TMEM253: variants seen among roughly 807,000 people sequenced by gnomAD.
TMEM253 encodes transmembrane protein C14orf176.
A neutral mutation model predicts 20.3 loss-of-function variants in TMEM253; 22 were observed. The observed-to-expected ratio is 1.08, with a 90% CI of 0.78 to 1.55. TMEM253 has a LOEUF of 1.55. TMEM253 is among the 40% of genes most tolerant of loss of function. TMEM253 has a pLI of 0.00. For synonymous variants in TMEM253, 92 were observed against 102.6 expected (o/e 0.90, Z 0.62); for missense variants, 251 against 266.1 (o/e 0.94, Z 0.39).
intron 6 of TMEM253, 128 bp downstream of exon 6, chr14:21,102,907 C>T: frequency 7.1e-7 from 1 of 1,408,696 alleles, no homozygotes; most frequent in Non-Finnish European, 9.4e-7. Flanking sequence ...TAGAATGAAA[C>T]TGATTGGCTT....
intron 4 of TMEM253, 123 bp downstream of exon 4, chr14:21,102,243 C>T: frequency 2.1e-6 from 3 of 1,410,346 alleles, no homozygotes; most frequent in Non-Finnish European, 2.9e-6. Context: ...ACTGACTGGC[C>T]TCAATCACTG....
In TMEM253 at chr14:21,101,797, G is replaced by T. The variant is rs935527729; in HGVS notation, c.109-68G>T. On this transcript the variant is annotated intron_variant, in intron 2 of 6. Transcript: ENST00000556585. ...AATCCCATTTCCTGATCTCTAAAGAGGTAGGAGTTACGAGAAGGGAGGGAA... is the reference window on the plus strand; with the variant it reads ...AATCCCATTTCCTGATCTCTAAAGATGTAGGAGTTACGAGAAGGGAGGGAA... 8 of 1,262,506 alleles carry T rather than the reference G, an allele frequency of 6.3e-6. No individual in the cohort carries two copies. In the African/African-American group the frequency reaches 1.2e-4, roughly 19 times the overall value. The allele number at this position is 1,262,506 out of a possible 1,614,324, so 78.2% of individuals were successfully genotyped here.
exon 7 of TMEM253, chr14:21,103,328 C>T: frequency 6.7e-7 from 1 of 1,500,244 alleles, no homozygotes; most frequent in Non-Finnish European, 8.9e-7. Flanking sequence ...TCCTTCGAGT[C>T]CAATAGGAAG....
At chr14:21,099,628 T>G (rs1215250765), upstream of TMEM253, among the ~76,000 whole-genome samples, 1 of 152,218 alleles carries the variant, frequency 6.6e-6, no homozygotes, top group Non-Finnish European at 1.5e-5. Context: ...TGGCGCAGTC[T>G]CCTCTTATCG....
chr14:21,102,292 G>A, intron 4 of TMEM253, 113 bp from the exon 5 acceptor site: 6 of 1,433,776 alleles, frequency 4.2e-6, no homozygotes, highest in Non-Finnish European at 5.7e-6. Context: ...TTATGGCCCT[G>A]TTTGGAGGCT....
chr14:21,102,542 G>A (rs768832501), intron 5 of TMEM253, 27 bp downstream of exon 5: 3 of 1,551,634 alleles, frequency 1.9e-6, no homozygotes, highest in Admixed American at 2.0e-5. Context: ...GAGAAGGTGG[G>A]AGGATAAGGA....
intron 1 of TMEM253, 46 bp downstream of exon 1, chr14:21,101,230 G>A: frequency 1.1e-6 from 1 of 946,114 alleles, no homozygotes; most frequent in Non-Finnish European, 1.6e-6. Context: ...ATTGGGAGTG[G>A]GCAGAGGTGT....
exon 7 of TMEM253, chr14:21,103,542 T>C: frequency 5.0e-6 from 2 of 399,812 alleles, no homozygotes; most frequent in Non-Finnish European, 9.1e-6. Flanking sequence ...TCTGTCCACC[T>C]TTCATAATCC....
exon 5 of TMEM253, chr14:21,102,415 T>A (rs1334688444): frequency 5.2e-6 from 8 of 1,551,430 alleles, no homozygotes; most frequent in Non-Finnish European, 7.0e-6. Flanking sequence ...GTGCGGGCCA[T>A]GATGATATTC....
At chr14:21,101,451 G>T (rs999759584) in exon 2 of TMEM253, 2 of 1,551,110 alleles carry the variant, frequency 1.3e-6, no homozygotes, top group Admixed American at 3.9e-5. Context: ...TGGTGCTAGC[G>T]GTGAGGCCAG....
At position 21,101,304 on chromosome 14, in the gene TMEM253, C is replaced by T; in HGVS notation, c.-36-4C>T. On this transcript the variant is annotated splice_polypyrimidine_tract_variant and splice_region_variant and intron_variant, in intron 1 of 6. Transcript: ENST00000556585. ...AGACAGAACCTATAACGCATTTTTC[C>T]CAGCCTAGGAAGCACCTAATTCTTG... is the stretch of plus-strand genomic sequence containing the variant. 1 of 1,542,532 alleles carries T rather than the reference C, an allele frequency of 6.5e-7. No homozygotes were observed. The highest frequency in any genetic ancestry group is 2.4e-5 in the East Asian group (1 of 40,822).
intron 6 of TMEM253, 85 bp from the exon 7 acceptor site, chr14:21,103,054 T>C (rs929688055): frequency 3.2e-6 from 5 of 1,544,278 alleles, no homozygotes; most frequent in African/African-American, 1.4e-5. Context: ...GGATAGAAAA[T>C]TGGGCAGGAG....
exon 6 of TMEM253, chr14:21,102,741 T>C: frequency 6.4e-7 from 1 of 1,551,194 alleles, no homozygotes; most frequent in Non-Finnish European, 8.7e-7. Flanking sequence ...ACCAGGATGC[T>C]GCAGGAGCCA....
intron 4 of TMEM253, 97 bp downstream of exon 4, chr14:21,102,217 T>C: frequency 6.9e-7 from 1 of 1,446,854 alleles, no homozygotes; most frequent in Non-Finnish European, 9.3e-7. Context: ...GTTGACTCAT[T>C]CTCTCAGCTG....
At chr14:21,102,555 C>T in intron 5 of TMEM253, 40 bp downstream of exon 5, 28 of 1,551,478 alleles carry the variant, frequency 1.8e-5, no homozygotes, top group Non-Finnish European at 2.4e-5. Context: ...GATAAGGAGG[C>T]AAGAGGAGGT....
chr14:21,099,814 C>T (rs1889525169), upstream of TMEM253, among the ~76,000 whole-genome samples: 1 of 152,146 alleles, frequency 6.6e-6, no homozygotes, highest in Non-Finnish European at 1.5e-5. Flanking sequence ...GCCAAGGGCA[C>T]CTAGGTAGAT....
In TMEM253 at chr14:21,102,167, G is replaced by A. The variant is rs1889683092; in HGVS notation, c.276+47G>A. ...CACTGTCCTCCCACTCCCTAAAACA[G>A]ACACCTACAACCCTCAGCCTAGGAA... On this transcript the variant is annotated intron_variant, in intron 4 of 6. Coordinates refer to ENST00000556585, the Ensembl canonical transcript of TMEM253. The A allele has an allele frequency of 3.3e-6, 5 of 1,527,428 alleles. No individual in the cohort carries two copies. The South Asian group carries it at 3.7e-5, about 11-fold the overall frequency. 94.6% of individuals were successfully genotyped at this position (1,527,428 alleles called of 1,614,324 possible).
chr14:21,102,371 T>C (rs1363315509), intron 4 of TMEM253, 34 bp from the exon 5 acceptor site: 2 of 1,550,382 alleles, frequency 1.3e-6, no homozygotes, highest in Non-Finnish European at 1.7e-6. Context: ...ATGACTCCCC[T>C]AGGCTGGGCA....
Sources: gnomAD v4.1 joint callset for allele counts (sites outside exome capture counted in the v4.1 genomes callset) on GRCh38, gnomAD v4.1.1 for gene constraint, MANE v1.5 for transcripts, NCBI Gene and HGNC (gene_info 2026-07-23, HGNC 2026-07-21) for gene names.